LRFN5: variants seen among roughly 807,000 people sequenced by gnomAD.
LRFN5 encodes the protein leucine-rich repeat and fibronectin type-III domain-containing protein 5.
LRFN5 carries 24 observed loss-of-function variants against 45.6 expected under a neutral mutation model. The ratio of observed to expected loss-of-function variants is 0.53; its 90% CI spans 0.38 to 0.74. The LOEUF is 0.74. Among genes scored for constraint, LRFN5 ranks in the 30% least tolerant of loss-of-function variants. The pLI, the probability that LRFN5 is intolerant of heterozygous loss-of-function variation, is 0.00. For missense variants in LRFN5, 776 were observed against 861.5 expected, an observed-to-expected ratio of 0.90 and a Z score of 1.24; for synonymous variants, 340 against 313.8, an observed-to-expected ratio of 1.08 and a Z score of -0.88.
At chr14:41,633,477 A>T (rs545871177) in intron 1 of LRFN5, among the ~76,000 whole-genome samples, 1 of 152,264 alleles carries the variant, frequency 6.6e-6, no homozygotes, top group East Asian at 1.9e-4. Context: ...AAAATTATGA[A>T]TAATCAGTTC....
chr14:41,835,228 T>C (rs1888620955), intron 2 of LRFN5, among the ~76,000 whole-genome samples: 1 of 152,184 alleles, frequency 6.6e-6, no homozygotes, highest in Admixed American at 6.5e-5. Context: ...TTATTAAACA[T>C]ACAGGACATC....
chr14:41,679,711 T>C (rs528997321), intron 1 of LRFN5, among the ~76,000 whole-genome samples: 1 of 152,144 alleles, frequency 6.6e-6, no homozygotes, highest in Non-Finnish European at 1.5e-5. Context: ...AAAGGGACAC[T>C]TCTGTTTGAG....
intron 2 of LRFN5, among the ~76,000 whole-genome samples, chr14:41,774,729 A>G (rs1320923916): frequency 2.0e-5 from 3 of 152,210 alleles, no homozygotes; most frequent in Non-Finnish European, 4.4e-5. Flanking sequence ...CAGTTTTCAC[A>G]CGTAAGTATT....
intron 2 of LRFN5, among the ~76,000 whole-genome samples, chr14:41,815,011 A>G (rs941153674): frequency 2.0e-5 from 3 of 152,194 alleles, no homozygotes; most frequent in African/African-American, 7.2e-5. Context: ...AAAAAAGTCT[A>G]TTCCAATAAT....
rs148965585 is a variant in LRFN5 at position 41,607,431 on chromosome 14, T to G, written c.-1328T>G. On this transcript the variant is annotated 5_prime_UTR_variant, in exon 1 of 6. Coordinates refer to ENST00000298119, the MANE Select transcript of LRFN5 (RefSeq NM_152447.5). ...ACTTTGATAACCTCCCTGCTGGCCC[T>G]TCTGTGTTCCGGAAAGATCCTGGAT... The G allele has an allele frequency of 2.2e-3, 339 of 152,544 alleles. 1 individual carries two copies. The highest frequency in any genetic ancestry group is 7.7e-3 in the African/African-American group (320 of 41,570). The allele number at this position is 152,544 out of a possible 1,614,324, so 9.4% of individuals were successfully genotyped here.
chr14:41,760,761 C>T (rs1479167545), intron 1 of LRFN5, among the ~76,000 whole-genome samples: 1 of 151,132 alleles, frequency 6.6e-6, no homozygotes, highest in African/African-American at 2.4e-5. Flanking sequence ...GGACGGGACA[C>T]AGAAGAGGGG....
chr14:41,867,423 A>G (rs1423347424), intron 2 of LRFN5, among the ~76,000 whole-genome samples: 1 of 152,022 alleles, frequency 6.6e-6, no homozygotes, highest in Non-Finnish European at 1.5e-5. Flanking sequence ...CCTGGTTTTA[A>G]TCCAAATCTC....
chr14:41,830,245 ATTG>A (rs1489503442), intron 2 of LRFN5, among the ~76,000 whole-genome samples: 1 of 150,904 alleles, frequency 6.6e-6, no homozygotes, highest in South Asian at 2.1e-4. Flanking sequence ...CATGTTTTTT[ATTG>A]TTGTTTTTGA....
Position 41,653,006 on chromosome 14 carries a change from ATTGT to A in LRFN5, c.-197+44451_-197+44454del, listed in dbSNP as rs1371606476. Among the ~76,000 whole-genome samples, 4 of 151,698 alleles carry A rather than the reference ATTGT, an allele frequency of 2.6e-5. No homozygotes were observed. The East Asian group carries it at 5.8e-4, about 22-fold the overall frequency. Reference sequence around the variant, plus strand: ...TGTCCTTTGCCTACTTTTTAATGAGATTGTTTGTTTTTCTTCTTGTAAATTTGTT... The same window carrying A: ...TGTCCTTTGCCTACTTTTTAATGAGATTGTTTTTCTTCTTGTAAATTTGTT... On this transcript the variant is annotated intron_variant, in intron 1 of 5. Transcript: ENST00000298119.
At chr14:41,870,080 C>T (rs566735720) in intron 2 of LRFN5, among the ~76,000 whole-genome samples, 1 of 152,222 alleles carries the variant, frequency 6.6e-6, no homozygotes, top group African/African-American at 2.4e-5. Flanking sequence ...CACATCTTAG[C>T]TGGGTCTTCT....
chr14:41,640,807 A>T (rs1268603678), intron 1 of LRFN5, among the ~76,000 whole-genome samples: 2 of 152,152 alleles, frequency 1.3e-5, no homozygotes, highest in Middle Eastern at 3.4e-3. Context: ...ATTGCCCTTT[A>T]TCCCATATTT....
intron 1 of LRFN5, among the ~76,000 whole-genome samples, chr14:41,635,773 A>T (rs1879277472): frequency 6.6e-6 from 1 of 152,178 alleles, no homozygotes; most frequent in Admixed American, 6.6e-5. Flanking sequence ...CTACTGCTTC[A>T]GTATAGGACA....
At chr14:41,818,039 T>G (rs1278979982) in intron 2 of LRFN5, among the ~76,000 whole-genome samples, 1 of 152,174 alleles carries the variant, frequency 6.6e-6, no homozygotes, top group Non-Finnish European at 1.5e-5. Context: ...TCTATGTATT[T>G]TGGAATATTC....
chr14:41,634,304 C>G (rs1442381554), intron 1 of LRFN5, among the ~76,000 whole-genome samples: 1 of 152,114 alleles, frequency 6.6e-6, no homozygotes, highest in Non-Finnish European at 1.5e-5. Context: ...GGAAGCCATA[C>G]TCCTTTTTGA....
At chr14:41,844,107 A>G (rs76095435) in intron 2 of LRFN5, among the ~76,000 whole-genome samples, 1,852 of 152,288 alleles carry the variant, frequency 0.012, 9 homozygotes, top group Middle Eastern at 0.034. Flanking sequence ...AAAGATAACA[A>G]TGTCACAGTT....
intron 2 of LRFN5, among the ~76,000 whole-genome samples, chr14:41,881,207 T>G (rs1330501004): frequency 6.6e-6 from 1 of 152,168 alleles, no homozygotes; most frequent in Admixed American, 6.5e-5. Flanking sequence ...GAACTGCTGT[T>G]GTTATATCTT....
chr14:41,836,839 T>TAGTC (rs3215763), intron 2 of LRFN5, among the ~76,000 whole-genome samples: 77,176 of 151,442 alleles, frequency 0.51, 20,575 homozygotes, highest in African/African-American at 0.63. Context: ...GGTATCTTAA[T>TAGTC]AGAAATTTTC....
At chr14:41,662,894 A>G (rs1880721627) in intron 1 of LRFN5, among the ~76,000 whole-genome samples, 1 of 152,104 alleles carries the variant, frequency 6.6e-6, no homozygotes, top group African/African-American at 2.4e-5. Context: ...AGCACAATAT[A>G]CCCATTACTG....
intron 1 of LRFN5, among the ~76,000 whole-genome samples, chr14:41,719,023 C>T (rs934072109): frequency 3.3e-5 from 5 of 152,172 alleles, no homozygotes; most frequent in African/African-American, 1.2e-4. Flanking sequence ...GCTGAACACT[C>T]TGGATTACAG....
Sources: gnomAD v4.1 joint callset for allele counts (sites outside exome capture counted in the v4.1 genomes callset) on GRCh38, gnomAD v4.1.1 for gene constraint, MANE v1.5 for transcripts, NCBI Gene and HGNC (gene_info 2026-07-23, HGNC 2026-07-21) for gene names.